Variants in EVA1A observed in about 807,000 individuals in gnomAD.
EVA1A encodes the protein protein eva-1 homolog A.
In EVA1A, 7 loss-of-function variants were observed where a neutral mutation model predicts 9.8. The observed-to-expected ratio is 0.71, with a 90% CI of 0.41 to 1.34. The LOEUF is 1.34. Among genes scored for constraint, EVA1A ranks in the 40% most tolerant of loss-of-function variants. The probability of loss-of-function intolerance (pLI) is 0.01; values close to 1 mark genes in which losing one functional copy is unlikely to be tolerated. For missense variants in EVA1A, 206 were observed against 205.9 expected, an observed-to-expected ratio of 1.00 and a Z score of 0.00; for synonymous variants, 90 against 85.6, an observed-to-expected ratio of 1.05 and a Z score of -0.28.
chr2:75,527,218 T>C (rs1675477807), intron 1 of EVA1A, among the ~76,000 whole-genome samples: 1 of 152,200 alleles, frequency 6.6e-6, no homozygotes, highest in African/African-American at 2.4e-5. Flanking sequence ...CCTGGGTAGA[T>C]AGCCTAGACT....
At chr2:75,546,785 A>G (rs1172517531) in intron 1 of EVA1A, among the ~76,000 whole-genome samples, 2 of 152,192 alleles carry the variant, frequency 1.3e-5, no homozygotes, top group African/African-American at 4.8e-5. Flanking sequence ...AAATTAAGAC[A>G]AAGGCATTAG....
intron 1 of EVA1A, among the ~76,000 whole-genome samples, chr2:75,567,532 A>G (rs370289322): frequency 4.6e-5 from 7 of 152,362 alleles, no homozygotes; most frequent in African/African-American, 1.7e-4. Context: ...AGGACAGACA[A>G]CAAATCATAC....
intron 1 of EVA1A, among the ~76,000 whole-genome samples, chr2:75,529,616 T>C (rs1444040869): frequency 6.6e-6 from 1 of 152,126 alleles, no homozygotes; most frequent in Non-Finnish European, 1.5e-5. Flanking sequence ...CATGCAAATA[T>C]ATGGAAATTA....
intron 3 of EVA1A, among the ~76,000 whole-genome samples, chr2:75,497,359 T>C (rs1464035252): frequency 2.6e-5 from 4 of 152,038 alleles, no homozygotes; most frequent in African/African-American, 4.8e-5. Context: ...CTATTACAAA[T>C]GAGCACAGGA....
At chr2:75,549,625 C>A (rs1229560055) in intron 1 of EVA1A, among the ~76,000 whole-genome samples, 1 of 152,178 alleles carries the variant, frequency 6.6e-6, no homozygotes, top group Admixed American at 6.5e-5. Context: ...CTCCAGGGAA[C>A]CTTCAAGCTG....
chr2:75,559,707 G>GC (rs1676851677), intron 1 of EVA1A, among the ~76,000 whole-genome samples: 1 of 124,906 alleles, frequency 8.0e-6, no homozygotes, highest in African/African-American at 3.0e-5. Flanking sequence ...TGGGGGGGGG[G>GC]CGGGGGAGTT....
intron 1 of EVA1A, among the ~76,000 whole-genome samples, chr2:75,568,933 T>TA (rs548071387): frequency 5.3e-4 from 80 of 152,342 alleles, no homozygotes; most frequent in South Asian, 4.8e-3. Context: ...TCTGCTGCTA[T>TA]AAACATGTGT....
chr2:75,527,977 C>G (rs1012743583), intron 1 of EVA1A, among the ~76,000 whole-genome samples: 1 of 152,176 alleles, frequency 6.6e-6, no homozygotes, highest in Non-Finnish European at 1.5e-5. Flanking sequence ...ACTGGGGAAC[C>G]TGGAAATCTA....
chr2:75,517,999 C>A, intron 3 of EVA1A, 57 bp downstream of exon 3: 2 of 1,605,040 alleles, frequency 1.2e-6, no homozygotes, highest in East Asian at 4.5e-5. Context: ...ACCCAGGAGA[C>A]AACCTTGGAC....
At chr2:75,517,812 C>A in intron 3 of EVA1A, 1 of 721,694 alleles carries the variant, frequency 1.4e-6, no homozygotes, top group Non-Finnish European at 2.6e-6. Context: ...CAATCACTCA[C>A]TTGAGCAGCT....
At chr2:75,537,836 C>G (rs1193270703) in intron 1 of EVA1A, among the ~76,000 whole-genome samples, 2 of 152,166 alleles carry the variant, frequency 1.3e-5, no homozygotes, top group African/African-American at 4.8e-5. Flanking sequence ...CTTAGTCTTC[C>G]GCTATGAGTA....
intron 1 of EVA1A, among the ~76,000 whole-genome samples, chr2:75,525,034 T>C (rs988800589): frequency 2.0e-5 from 3 of 152,208 alleles, no homozygotes; most frequent in East Asian, 1.9e-4. Flanking sequence ...TTGCCCCATA[T>C]ACAAAATGCA....
chr2:75,515,034 G>C (rs1340973034), intron 3 of EVA1A, among the ~76,000 whole-genome samples: 1 of 152,164 alleles, frequency 6.6e-6, no homozygotes, highest in East Asian at 1.9e-4. Context: ...TCGCATTGCA[G>C]TTTCCATTTT....
At chr2:75,493,770 A>G (rs554683695) in intron 3 of EVA1A, among the ~76,000 whole-genome samples, 161 bp from the exon 4 acceptor site, 72 of 152,354 alleles carry the variant, frequency 4.7e-4, no homozygotes, top group African/African-American at 1.7e-3. Flanking sequence ...TTCAAAATAT[A>G]ATTATTGACA....
intron 3 of EVA1A, among the ~76,000 whole-genome samples, chr2:75,503,460 C>G (rs1247746599): frequency 2.6e-5 from 4 of 152,134 alleles, no homozygotes; most frequent in Admixed American, 2.6e-4. Context: ...GGAAGAGGCC[C>G]TATGTAGAGG....
At chr2:75,518,753 C>A (rs1675127911) in intron 2 of EVA1A, 12 of 986,330 alleles carry the variant, frequency 1.2e-5, no homozygotes, top group African/African-American at 1.7e-5. Flanking sequence ...CCACAGCCCT[C>A]TCCTCTCCTG....
At chr2:75,546,302 C>T (rs1676326839) in intron 1 of EVA1A, among the ~76,000 whole-genome samples, 2 of 152,072 alleles carry the variant, frequency 1.3e-5, no homozygotes, top group African/African-American at 4.8e-5. Flanking sequence ...CCTTTATATC[C>T]TTGGAGCTTA....
rs1392383779 is a variant in EVA1A, at chr2:75,555,301, A to ATCTCTCTCCCTCTC, written c.-192+5378_-192+5379insGAGAGGGAGAGAGA. On this transcript the variant is annotated intron_variant, in intron 1 of 3. Coordinates refer to ENST00000393913, the MANE Select transcript of EVA1A (RefSeq NM_001135032.2). ...AAACAGACTTTAGCATCAAAACTCA[A>ATCTCTCTCCCTCTC]TCTCTCTCTCTCTCTCTCTCTCTCT... Among the ~76,000 whole-genome samples, 113 of 57,208 alleles carry ATCTCTCTCCCTCTC rather than the reference A, an allele frequency of 2.0e-3. 1 individual carries two copies. The highest frequency in any genetic ancestry group is 5.7e-3 in the African/African-American group (106 of 18,716). 37.5% of individuals were successfully genotyped at this position (57,208 alleles called of 152,430 possible).
Position 75,492,901 on chromosome 2 carries a change from A to G in EVA1A, c.*335T>C, listed in dbSNP as rs752359410. 1.7e-5 allele frequency: 5 copies of G among 287,948 alleles called. No individual in the cohort carries two copies. The highest frequency in any genetic ancestry group is 7.2e-5 in the East Asian group (1 of 13,854). The allele number at this position is 287,948 out of a possible 1,614,324, so 17.8% of individuals were successfully genotyped here. A position where few individuals can be genotyped will look rare whatever the true frequency, so the allele number is the denominator to read the frequency against. ...ATGATCTTTCCTTTTGCAAAGGAAT[A>G]ACACAGAGCAAGGAAGTCTGCTGAA... On this transcript the variant is annotated 3_prime_UTR_variant, in exon 4 of 4. Coordinates refer to ENST00000393913, the MANE Select transcript of EVA1A (RefSeq NM_001135032.2).
Sources: allele counts gnomAD v4.1 joint callset (sites outside exome capture counted in the v4.1 genomes callset), GRCh38; gene constraint gnomAD v4.1.1; transcripts MANE v1.5; gene names NCBI Gene and HGNC (gene_info 2026-07-23, HGNC 2026-07-21).